IL10: variants seen among roughly 807,000 people sequenced by gnomAD.
The protein encoded by IL10 is interleukin-10.
IL10 carries 7 observed loss-of-function variants against 21.0 expected under a neutral mutation model. The ratio of observed to expected loss-of-function variants is 0.33; its 90% CI spans 0.19 to 0.63. The LOEUF is 0.63. Among genes scored for constraint, IL10 ranks in the 20% least tolerant of loss-of-function variants. The probability of loss-of-function intolerance (pLI) is 0.77; values close to 1 mark genes in which losing one functional copy is unlikely to be tolerated. For missense variants in IL10, 161 were observed against 213.0 expected (o/e 0.76, Z 1.52); for synonymous variants, 83 against 79.7 (o/e 1.04, Z -0.22).
intron 1 of IL10, among the ~76,000 whole-genome samples, chr1:206,771,621 T>C (rs1169132707): frequency 6.6e-6 from 1 of 152,060 alleles, no homozygotes; most frequent in Admixed American, 6.5e-5. Context: ...CAGAGTCAAG[T>C]TATTTAAAAA....
chr1:206,771,068 A>C lies in IL10; in HGVS notation c.226-9T>G. On this transcript the variant is annotated splice_polypyrimidine_tract_variant and intron_variant, in intron 2 of 4. Coordinates refer to ENST00000423557, the MANE Select transcript of IL10 (RefSeq NM_000572.3). The stretch of plus-strand genomic sequence containing the variant: ...TGGCAACCCAGGTAACCCTAAGGGC[A>C]GGAGCCAAAGGTGAGTGAGAGATTG... 6.2e-7 allele frequency: 1 copy of C among 1,614,030 alleles called. No individual in the cohort carries two copies. The highest frequency in any genetic ancestry group is 2.2e-5 in the East Asian group (1 of 44,888).
intron 3 of IL10, chr1:206,770,266 G>A: frequency 2.7e-6 from 1 of 375,062 alleles, no homozygotes; most frequent in South Asian, 2.3e-5. Context: ...TCTGAGGAGG[G>A]AAGCTACTGG....
intron 2 of IL10, 95 bp from the exon 3 acceptor site, chr1:206,771,154 CGA>C: frequency 7.1e-7 from 1 of 1,410,790 alleles, no homozygotes; most frequent in Non-Finnish European, 1.0e-6. Flanking sequence ...TTGGTTCTAG[CGA>C]TCCTCCTTCA....
intron 4 of IL10, 81 bp from the exon 5 acceptor site, chr1:206,768,809 G>A: frequency 2.4e-6 from 2 of 837,560 alleles, no homozygotes; most frequent in Non-Finnish European, 4.1e-6. Context: ...CTCATGGATG[G>A]GCATGACCTT....
At chr1:206,769,171 C>T (rs1475887205) in intron 4 of IL10, among the ~76,000 whole-genome samples, 1 of 152,168 alleles carries the variant, frequency 6.6e-6, no homozygotes, top group African/African-American at 2.4e-5. Context: ...AAATTCACAC[C>T]CCCTGATGTT....
At chr1:206,771,675 T>C (rs1280666494) in intron 1 of IL10, among the ~76,000 whole-genome samples, 1 of 152,216 alleles carries the variant, frequency 6.6e-6, no homozygotes, top group East Asian at 1.9e-4. Flanking sequence ...GACTCAGTCC[T>C]GGTCTTCTTT....
intron 1 of IL10, 106 bp from the exon 2 acceptor site, chr1:206,771,521 TG>T: frequency 1.1e-6 from 1 of 920,180 alleles, no homozygotes; most frequent in Non-Finnish European, 1.7e-6. Flanking sequence ...TAAATAAAAT[TG>T]GCTCTGGCCC....
chr1:206,772,067 C>T (rs903660939), intron 1 of IL10, among the ~76,000 whole-genome samples: 2 of 152,176 alleles, frequency 1.3e-5, no homozygotes, highest in Admixed American at 6.5e-5. Flanking sequence ...GGCAGGTTTC[C>T]TGCACATTTA....
At chr1:206,771,100 G>A (rs1388395365) in intron 2 of IL10, 41 bp from the exon 3 acceptor site, 5 of 1,610,450 alleles carry the variant, frequency 3.1e-6, no homozygotes, top group Non-Finnish European at 4.2e-6. Context: ...ATTGGCGGAG[G>A]TGGCTGGGAG....
rs928035684 is a variant in IL10, at chr1:206,768,469, T to A, written c.*167A>T. On this transcript the variant is annotated 3_prime_UTR_variant, in exon 5 of 5. Transcript: ENST00000423557. ...CTAAATCGTTCACAGAGAAGCTCAG[T>A]AAATAAATAGAAATGGGGGTTGAGG... is the stretch of plus-strand genomic sequence containing the variant. 1 of 613,986 alleles carries A rather than the reference T, an allele frequency of 1.6e-6. No individual in the cohort carries two copies. The highest frequency in any genetic ancestry group is 1.9e-5 in the African/African-American group (1 of 53,888). 38.0% of individuals were successfully genotyped at this position (613,986 alleles called of 1,614,324 possible).
At position 206,768,840 on chromosome 1, in the gene IL10, C is replaced by G. The variant is rs952013365; in HGVS notation, c.445-112G>C. ...ACCTTGAGTGCAGAGGTTGCTTGTTCTCCCTCACGCTGGGAAGTAAACCAG... is the reference window on the plus strand; with the variant it reads ...ACCTTGAGTGCAGAGGTTGCTTGTTGTCCCTCACGCTGGGAAGTAAACCAG... On this transcript the variant is annotated intron_variant, in intron 4 of 4. Coordinates refer to ENST00000423557, the MANE Select transcript of IL10 (RefSeq NM_000572.3). The G allele has an allele frequency of 4.1e-6, 3 of 723,726 alleles. No individual in the cohort carries two copies. In the African/African-American group the frequency reaches 5.2e-5, roughly 13 times the overall value. 44.8% of individuals were successfully genotyped at this position (723,726 alleles called of 1,614,324 possible).
Position 206,772,199 on chromosome 1 carries a change from T to C in IL10, c.165+72A>G. 3 of 1,386,428 alleles carry C rather than the reference T, an allele frequency of 2.2e-6. No homozygotes were observed. In the South Asian group the frequency reaches 3.5e-5, roughly 16 times the overall value. 85.9% of individuals were successfully genotyped at this position (1,386,428 alleles called of 1,614,324 possible). Reference sequence around the variant, plus strand: ...GGTGGAGGCGCAGGAGGAGGGTTCTTATAGTTCCAGGAGAATGTCTAGTTC... The same window carrying C: ...GGTGGAGGCGCAGGAGGAGGGTTCTCATAGTTCCAGGAGAATGTCTAGTTC... On this transcript the variant is annotated intron_variant, in intron 1 of 4. Transcript: ENST00000423557.
chr1:206,769,607 G>T, intron 4 of IL10: 1 of 607,816 alleles, frequency 1.6e-6, no homozygotes, highest in East Asian at 2.8e-5. Context: ...CAAAGGCAGC[G>T]AGCAGTCATT....
chr1:206,770,777 T>C (rs1257870962), intron 3 of IL10, 130 bp downstream of exon 3: 6 of 942,194 alleles, frequency 6.4e-6, no homozygotes, highest in East Asian at 2.4e-5. Context: ...TCCAGGAGTC[T>C]TTCCTCATTT....
chr1:206,772,485 C>G lies in IL10; in HGVS notation c.-50G>C, dbSNP rs1487090769. 6.3e-7 allele frequency: 1 copy of G among 1,577,030 alleles called. No homozygotes were observed. The highest frequency in any genetic ancestry group is 1.7e-5 in the Admixed American group (1 of 59,920). On this transcript the variant is annotated 5_prime_UTR_variant, in exon 1 of 5. Transcript: ENST00000423557. ...TGGTTTGGTTTTGCAAGAGCAAGCC[C>G]CTGATGTGTAGACCTTCACCTCTCT...
At chr1:206,771,712 G>A (rs1394909357) in intron 1 of IL10, among the ~76,000 whole-genome samples, 2 of 152,178 alleles carry the variant, frequency 1.3e-5, no homozygotes, top group African/African-American at 4.8e-5. Context: ...GGCTTTAAGG[G>A]ACACCTATGT....
Position 206,770,944 on chromosome 1 carries a change from T to TC in IL10, c.340dup (p.Glu114GlyfsTer20). On this transcript the variant is annotated frameshift_variant, in exon 3 of 5. Coordinates refer to ENST00000423557, the MANE Select transcript of IL10 (RefSeq NM_000572.3). LOFTEE classifies it high-confidence loss of function. ...CCTCAGCCTGAGGGTCTTCAGGTTC[T>TC]CCCCCAGGGAGTTCACATGCGCCTT... 1 of 1,614,114 alleles carries TC rather than the reference T, an allele frequency of 6.2e-7. No homozygotes were observed. The highest frequency in any genetic ancestry group is 8.5e-7 in the Non-Finnish European group (1 of 1,179,972).
At position 206,772,492 on chromosome 1, in the gene IL10, T is replaced by C; in HGVS notation, c.-57A>G. The C allele has an allele frequency of 6.6e-7, 1 of 1,521,734 alleles. No individual in the cohort carries two copies. Among genetic ancestry groups the C allele is most frequent in the Non-Finnish European group, 9.1e-7 (1 of 1,099,166 alleles). 94.3% of individuals were successfully genotyped at this position (1,521,734 alleles called of 1,614,324 possible). A position where few individuals can be genotyped will look rare whatever the true frequency, so the allele number is the denominator to read the frequency against. On this transcript the variant is annotated 5_prime_UTR_variant, in exon 1 of 5. Transcript: ENST00000423557. Reference sequence around the variant, plus strand: ...GTTTTGCAAGAGCAAGCCCCTGATGTGTAGACCTTCACCTCTCTGTCCCCC... The same window carrying C: ...GTTTTGCAAGAGCAAGCCCCTGATGCGTAGACCTTCACCTCTCTGTCCCCC...
rs1674815409 is a variant in IL10 at position 206,771,021 on chromosome 1, C to G, written c.264G>C (p.Gln88His). ...GGGGCATCACCTCCTCCAGGTAAAACTGGATCATCTCAGACAAGGCTTGGC... is the reference window on the plus strand; with the variant it reads ...GGGGCATCACCTCCTCCAGGTAAAAGTGGATCATCTCAGACAAGGCTTGGC... ...LGCQALSEMI[Q>H]FYLEEVMPQA... Residue 88 changes from glutamine to histidine, a missense_variant, in exon 3 of 5, where the codon CAG becomes CAC. Coordinates refer to ENST00000423557, the MANE Select transcript of IL10 (RefSeq NM_000572.3). 6.2e-7 allele frequency: 1 copy of G among 1,614,036 alleles called. No homozygotes were observed. Among genetic ancestry groups the G allele is most frequent in the Non-Finnish European group, 8.5e-7 (1 of 1,180,026 alleles).
Sources: allele counts gnomAD v4.1 joint callset (sites outside exome capture counted in the v4.1 genomes callset), GRCh38; gene constraint gnomAD v4.1.1; transcripts MANE v1.5; gene names NCBI Gene and HGNC (gene_info 2026-07-23, HGNC 2026-07-21).